Variants in ZNF791 observed in about 807,000 individuals in gnomAD.
The protein encoded by ZNF791 is zinc finger protein 791.
A neutral mutation model predicts 11.5 loss-of-function variants in ZNF791; 4 were observed. The ratio of observed to expected loss-of-function variants is 0.35; its 90% CI spans 0.17 to 0.80. ZNF791 has a LOEUF of 0.80. Ranked by LOEUF, ZNF791 falls within the 30% of genes least tolerant of loss-of-function variation. The probability of loss-of-function intolerance (pLI) is 0.53; values close to 1 mark genes in which losing one functional copy is unlikely to be tolerated. For missense variants in ZNF791, 559 were observed against 699.4 expected, an observed-to-expected ratio of 0.80 and a Z score of 2.26; for synonymous variants, 212 against 228.1, an observed-to-expected ratio of 0.93 and a Z score of 0.64.
In ZNF791 at chr19:12,628,854, G is replaced by A. The variant is rs770071200; in HGVS notation, c.1325G>A (p.Cys442Tyr). Residue 442 changes from cysteine to tyrosine, a missense_variant, in exon 4 of 4, where the codon TGT becomes TAT. By Grantham distance (194) the Cys-to-Tyr change is radical (BLOSUM62 -2). Coordinates refer to ENST00000343325, the MANE Select transcript of ZNF791 (RefSeq NM_153358.3). ...ITHTGDGPYK[C>Y]RDCGKVFIFP... is the part of the protein sequence containing the mutation. ...CACACTGGAGACGGACCTTATAAAT[G>A]TAGGGACTGTGGGAAGGTGTTCATT... 1 of 1,613,862 alleles carries A rather than the reference G, an allele frequency of 6.2e-7. No individual in the cohort carries two copies. Among genetic ancestry groups the A allele is most frequent in the South Asian group, 1.1e-5 (1 of 91,016 alleles).
Position 12,628,760 on chromosome 19 carries a change from C to T in ZNF791, c.1231C>T (p.Pro411Ser). 6.2e-7 allele frequency: 1 copy of T among 1,612,014 alleles called. No homozygotes were observed. Among genetic ancestry groups the T allele is most frequent in the Non-Finnish European group, 8.5e-7 (1 of 1,179,320 alleles). ...CAAGAGAAATCACACTGGAGAAAAACCCTATGAGTGTAAGGAATGTGCAAA... is the reference window on the plus strand; with the variant it reads ...CAAGAGAAATCACACTGGAGAAAAATCCTATGAGTGTAAGGAATGTGCAAA... ...IHKRNHTGEKPYECKECAKTF... is the reference protein window; with the variant it reads ...IHKRNHTGEKSYECKECAKTF... Residue 411 changes from proline (P) to serine (S), a missense_variant, in exon 4 of 4, where the codon CCC (proline) becomes TCC (serine). Physicochemically the swap from Pro to Ser is moderately conservative, Grantham distance 74. Transcript: ENST00000343325.
chr19:12,615,551 C>T (rs1432111236), intron 1 of ZNF791, among the ~76,000 whole-genome samples: 2 of 151,980 alleles, frequency 1.3e-5, no homozygotes, highest in African/African-American at 4.8e-5. Flanking sequence ...GAGGCCGAGG[C>T]GGGCGGATCA....
chr19:12,620,754 C>T (rs371479968), intron 1 of ZNF791, among the ~76,000 whole-genome samples: 100 of 83,410 alleles, frequency 1.2e-3, no homozygotes, highest in Non-Finnish European at 1.3e-3. Context: ...GATTTATGTT[C>T]TTTTTTTTTT....
rs1234857969 is a variant in ZNF791 at position 12,632,325 on chromosome 19, A to G, written c.*3065A>G. ...AGTAGAAGTGTATTTTTAATATACA[A>G]TTAGTTTTAATTTGTGTATAGTTTT... On this transcript the variant is annotated 3_prime_UTR_variant, in exon 4 of 4. Transcript: ENST00000343325. The G allele has an allele frequency of 6.6e-6, 1 of 152,034 alleles. No homozygotes were observed. Among genetic ancestry groups the G allele is most frequent in the Non-Finnish European group, 1.5e-5 (1 of 68,010 alleles). The allele number at this position is 152,034 out of a possible 1,614,324, so 9.4% of individuals were successfully genotyped here.
intron 1 of ZNF791, among the ~76,000 whole-genome samples, chr19:12,622,411 CAAAAAAAAAAAA>C (rs370413296): frequency 1.3e-5 from 1 of 79,606 alleles, no homozygotes. Flanking sequence ...CTGTCTCAAA[CAAAAAAAAAAAA>C]AAAAAAAAAC....
Position 12,628,621 on chromosome 19 carries a change from C to T in ZNF791, c.1092C>T (p.Ala364=). 2 of 1,604,952 alleles carry T rather than the reference C, an allele frequency of 1.2e-6. No homozygotes were observed. The highest frequency in any genetic ancestry group is 1.7e-6 in the Non-Finnish European group (2 of 1,176,246). Residue 364 remains alanine (A), a synonymous_variant, in exon 4 of 4, where the codon GCC becomes GCT. Transcript: ENST00000343325. ...KPYKCKECGK[A]FSRISYFRIH... ...ATAAGTGTAAAGAATGTGGGAAAGC[C>T]TTTAGTAGAATCAGTTACTTTCGAA...
In ZNF791 at chr19:12,628,876, C is replaced by T. The variant is rs749432717; in HGVS notation, c.1347C>T (p.Phe449=). The T allele has an allele frequency of 6.2e-7, 1 of 1,611,874 alleles. No individual in the cohort carries two copies. Reference sequence around the variant, plus strand: ...AATGTAGGGACTGTGGGAAGGTGTTCATTTTTCCTAGTGCGTTACGAACAC... The same window carrying T: ...AATGTAGGGACTGTGGGAAGGTGTTTATTTTTCCTAGTGCGTTACGAACAC... The part of the protein sequence containing the change: ...PYKCRDCGKV[F]IFPSALRTHE... Residue 449 remains phenylalanine (F), a synonymous_variant, in exon 4 of 4, where the codon TTC becomes TTT. Coordinates refer to ENST00000343325, the MANE Select transcript of ZNF791 (RefSeq NM_153358.3).
chr19:12,619,329 A>C (rs1351586334), intron 1 of ZNF791, among the ~76,000 whole-genome samples: 1 of 152,170 alleles, frequency 6.6e-6, no homozygotes, highest in East Asian at 1.9e-4. Context: ...TTGGAAAAAA[A>C]TTACTGGATC....
intron 1 of ZNF791, among the ~76,000 whole-genome samples, chr19:12,621,778 GC>G (rs796123783): frequency 1.9e-3 from 163 of 85,732 alleles, no homozygotes; most frequent in African/African-American, 6.2e-3. Flanking sequence ...GGGGGGGTCA[GC>G]CCCCCCGCCC....
chr19:12,627,186 G>T (rs1456266830), intron 3 of ZNF791, among the ~76,000 whole-genome samples: 2 of 139,104 alleles, frequency 1.4e-5, no homozygotes, highest in African/African-American at 2.6e-5. Context: ...GTCTCAAAAT[G>T]AAACCAAAAA....
chr19:12,621,867 C>T (rs2023354880), intron 1 of ZNF791, among the ~76,000 whole-genome samples: 1 of 130,486 alleles, frequency 7.7e-6, no homozygotes, highest in African/African-American at 2.9e-5. Context: ...CCTAACAGCT[C>T]ATTGAGAACG....
chr19:12,611,412 C>A (rs1301050782), intron 1 of ZNF791, among the ~76,000 whole-genome samples: 1 of 152,154 alleles, frequency 6.6e-6, no homozygotes, highest in East Asian at 1.9e-4. Flanking sequence ...CCCCCTGAGT[C>A]TTCCAAAGAT....
intron 3 of ZNF791, 138 bp from the exon 4 acceptor site, chr19:12,627,583 A>G (rs8109922): frequency 1 from 717,777 of 721,168 alleles, 357,304 homozygotes; most frequent in African/African-American, 1. Flanking sequence ...CTGAGATCGC[A>G]CCATTGCACT....
At chr19:12,623,926 G>C in intron 2 of ZNF791, 100 bp downstream of exon 2, 1 of 1,071,346 alleles carries the variant, frequency 9.3e-7, no homozygotes, top group Non-Finnish European at 1.3e-6. Context: ...CACAATCTCA[G>C]CTCACCACAA....
chr19:12,617,277 C>T (rs1479750336), intron 1 of ZNF791, among the ~76,000 whole-genome samples: 5 of 151,852 alleles, frequency 3.3e-5, no homozygotes, highest in African/African-American at 9.7e-5. Context: ...AGGCACGTGC[C>T]ACCATGCCTG....
At chr19:12,620,016 CG>C in intron 1 of ZNF791, among the ~76,000 whole-genome samples, 2 of 152,046 alleles carry the variant, frequency 1.3e-5, no homozygotes, top group Non-Finnish European at 2.9e-5. Context: ...CTCCGCCTCC[CG>C]GGTTCCCGCC....
intron 3 of ZNF791, 27 bp downstream of exon 3, chr19:12,624,737 G>A: frequency 6.4e-7 from 1 of 1,570,708 alleles, no homozygotes; most frequent in South Asian, 1.2e-5. Context: ...AGAAGTAACA[G>A]TGTTCCTTGA....
In ZNF791 at chr19:12,628,684, A is replaced by T. The variant is rs755715515; in HGVS notation, c.1155A>T (p.Glu385Asp). The T allele has an allele frequency of 6.2e-7, 1 of 1,601,570 alleles. No homozygotes were observed. Among genetic ancestry groups the T allele is most frequent in the South Asian group, 1.1e-5 (1 of 89,000 alleles). The change falls in exon 4 of 4, where the codon GAA becomes GAT. Residue 385 changes from glutamate (E) to aspartate (D), a missense_variant. Coordinates refer to ENST00000343325, the MANE Select transcript of ZNF791 (RefSeq NM_153358.3). ...CTCACACTGGAGAGAAACCCTACGA[A>T]TGTAAAAAATGTGGGAAAACTTTCA... The part of the protein sequence containing the change: ...ERTHTGEKPY[E>D]CKKCGKTFNY...
At position 12,628,032 on chromosome 19, in the gene ZNF791, C is replaced by A. The variant is rs1248297845; in HGVS notation, c.503C>A (p.Thr168Asn). The A allele has an allele frequency of 4.3e-6, 7 of 1,612,996 alleles. No individual in the cohort carries two copies. The Admixed American group carries it at 1.0e-4, about 23-fold the overall frequency. ...TATAAATGTAAACAATGTGGAAAAA[C>A]CTTCATATATCACCAGCCCTTTCAA... is the stretch of plus-strand genomic sequence containing the variant. ...KPYKCKQCGKTFIYHQPFQRH... is the reference protein window; with the variant it reads ...KPYKCKQCGKNFIYHQPFQRH... The change falls in exon 4 of 4, where the codon ACC becomes AAC. Residue 168 changes from threonine (T) to asparagine (N), a missense_variant. Physicochemically the swap from Thr to Asn is moderately conservative, Grantham distance 65. Coordinates refer to ENST00000343325, the MANE Select transcript of ZNF791 (RefSeq NM_153358.3).
Sources: allele counts gnomAD v4.1 joint callset (sites outside exome capture counted in the v4.1 genomes callset), GRCh38; gene constraint gnomAD v4.1.1; transcripts MANE v1.5; gene names NCBI Gene and HGNC (gene_info 2026-07-23, HGNC 2026-07-21).